SRPX: variants seen among roughly 807,000 people sequenced by gnomAD.
SRPX encodes the protein sushi repeat-containing protein SRPX.
In SRPX, 24 loss-of-function variants were observed where a neutral mutation model predicts 38.1. The ratio of observed to expected loss-of-function variants is 0.63; its 90% CI spans 0.46 to 0.89. The LOEUF (loss-of-function observed/expected upper bound fraction) is 0.89, where lower values mean the gene tolerates loss of function less well. Among genes scored for constraint, SRPX ranks in the 40% least tolerant of loss-of-function variants. The pLI, the probability that SRPX is intolerant of heterozygous loss-of-function variation, is 0.00. For missense variants in SRPX, 416 were observed against 377.8 expected, an observed-to-expected ratio of 1.10 and a Z score of -0.84; for synonymous variants, 184 against 153.8, an observed-to-expected ratio of 1.20 and a Z score of -1.45.
intron 1 of SRPX, among the ~76,000 whole-genome samples, chrX:38,207,147 T>C (rs1349609605): frequency 8.9e-6 from 1 of 112,320 alleles, no homozygotes; most frequent in African/African-American, 3.2e-5. Context: ...ATATCAATTG[T>C]GGTCCTACTT....
At chrX:38,162,245 T>C (rs1209346031) in intron 5 of SRPX, among the ~76,000 whole-genome samples, 1 of 112,193 alleles carries the variant, frequency 8.9e-6, no homozygotes, top group Non-Finnish European at 1.9e-5. Context: ...GTCTCAGAGC[T>C]TGACACTAGA....
intron 9 of SRPX, among the ~76,000 whole-genome samples, chrX:38,153,294 CT>C (rs1341692099): frequency 1.3e-4 from 9 of 66,894 alleles, no homozygotes; most frequent in Non-Finnish European, 2.6e-4. Flanking sequence ...TTCTTTCTTT[CT>C]TTCTTTCTTT....
intron 7 of SRPX, among the ~76,000 whole-genome samples, chrX:38,159,666 C>T (rs1181789517): frequency 8.9e-6 from 1 of 112,854 alleles, no homozygotes; most frequent in African/African-American, 3.2e-5. Flanking sequence ...ATGATATTGT[C>T]TCTACATGGC....
chrX:38,180,871 C>A (rs988557860), intron 1 of SRPX, among the ~76,000 whole-genome samples: 1 of 111,513 alleles, frequency 9.0e-6, no homozygotes, highest in Non-Finnish European at 1.9e-5. Flanking sequence ...GAAGCATAAC[C>A]CCCAAAATGC....
chrX:38,159,919 A>C, intron 7 of SRPX, 98 bp downstream of exon 7: 1 of 976,444 alleles, frequency 1.0e-6, no homozygotes, highest in Non-Finnish European at 1.4e-6. Flanking sequence ...ATGGCCATGA[A>C]CTTCTCAAAG....
At position 38,196,880 on chromosome X, in the gene SRPX, G is replaced by A. The variant is rs113938615; in HGVS notation, c.98-18536C>T. Among the ~76,000 whole-genome samples the A allele has an allele frequency of 7.5e-3, 833 of 111,747 alleles. 10 individuals carry two copies. Among genetic ancestry groups the A allele is most frequent in the African/African-American group, 0.026 (799 of 30,769 alleles). On this transcript the variant is annotated intron_variant, in intron 1 of 9. Transcript: ENST00000378533. ...CCCACAGACTCCTGCCTTTTTTTTG[G>A]CTAAGAGCTGGCGGGGTGTTACATC...
chrX:38,183,813 C>T (rs1938716227), intron 1 of SRPX, among the ~76,000 whole-genome samples: 1 of 112,026 alleles, frequency 8.9e-6, no homozygotes, highest in African/African-American at 3.2e-5. Flanking sequence ...CACACAAATA[C>T]AAATTGTACG....
intron 1 of SRPX, among the ~76,000 whole-genome samples, chrX:38,179,032 C>T (rs958316026): frequency 1.9e-5 from 2 of 107,651 alleles, no homozygotes; most frequent in South Asian, 4.3e-4. Context: ...CCGCAACCTC[C>T]GCCTCTTGGG....
At chrX:38,157,759 A>AT (rs1938160107) in intron 7 of SRPX, among the ~76,000 whole-genome samples, 1 of 112,051 alleles carries the variant, frequency 8.9e-6, no homozygotes, top group Non-Finnish European at 1.9e-5. Flanking sequence ...AACAATACCA[A>AT]TTGGTTATCA....
In SRPX at chrX:38,172,869, G is replaced by A. The variant is rs776063964; in HGVS notation, c.350-812C>T. ...GCTCACAGGAGATGCTTTCTCTTGTGAAAAGAGAACGAGAGTGAGAGAGTG... is the reference window on the plus strand; with the variant it reads ...GCTCACAGGAGATGCTTTCTCTTGTAAAAAGAGAACGAGAGTGAGAGAGTG... On this transcript the variant is annotated intron_variant, in intron 3 of 9. Transcript: ENST00000378533. Among the ~76,000 whole-genome samples, 3 of 112,914 alleles carry A rather than the reference G, an allele frequency of 2.7e-5. No individual in the cohort carries two copies. The South Asian group carries it at 1.1e-3, about 41-fold the overall frequency.
chrX:38,169,146 T>C (rs1225593451), intron 4 of SRPX, among the ~76,000 whole-genome samples: 2 of 112,810 alleles, frequency 1.8e-5, no homozygotes, highest in African/African-American at 6.4e-5. Flanking sequence ...AGTGAATCAG[T>C]ATCTCAGTCA....
chrX:38,204,924 T>A (rs764472085), intron 1 of SRPX, among the ~76,000 whole-genome samples: 1 of 112,043 alleles, frequency 8.9e-6, no homozygotes, highest in South Asian at 3.7e-4. Flanking sequence ...TGAAAGGACA[T>A]CAGGACACTT....
intron 1 of SRPX, among the ~76,000 whole-genome samples, chrX:38,192,087 C>T (rs891438327): frequency 1.8e-5 from 2 of 111,598 alleles, no homozygotes; most frequent in Non-Finnish European, 3.8e-5. Context: ...ACGAATACCA[C>T]ATTTAGCCCA....
chrX:38,155,401 A>G (rs1254033790), intron 8 of SRPX, among the ~76,000 whole-genome samples: 3 of 112,268 alleles, frequency 2.7e-5, no homozygotes, highest in Non-Finnish European at 5.6e-5. Flanking sequence ...GGCACACCAA[A>G]ACATCTTGAT....
intron 1 of SRPX, among the ~76,000 whole-genome samples, chrX:38,186,388 C>A (rs1175345616): frequency 1.8e-5 from 2 of 111,941 alleles, no homozygotes; most frequent in Non-Finnish European, 3.8e-5. Context: ...TCATGAGAGA[C>A]CTTGAGCCAG....
chrX:38,194,267 AC>A (rs1335553990), intron 1 of SRPX, among the ~76,000 whole-genome samples: 1 of 111,485 alleles, frequency 9.0e-6, no homozygotes, highest in African/African-American at 3.3e-5. Flanking sequence ...AGAATTAATA[AC>A]CATATTATTA....
chrX:38,202,509 A>T (rs375419200), intron 1 of SRPX, among the ~76,000 whole-genome samples: 1 of 111,937 alleles, frequency 8.9e-6, no homozygotes, highest in East Asian at 2.8e-4. Flanking sequence ...ATGCAGCAGG[A>T]CATAATAAAA....
chrX:38,172,958 T>C (rs895833219), intron 3 of SRPX, among the ~76,000 whole-genome samples: 1 of 112,040 alleles, frequency 8.9e-6, no homozygotes, highest in South Asian at 3.8e-4. Flanking sequence ...AAGGTTGAAG[T>C]TCCAAGTCTT....
At chrX:38,166,978 A>G (rs1334408811) in intron 4 of SRPX, among the ~76,000 whole-genome samples, 1 of 112,027 alleles carries the variant, frequency 8.9e-6, no homozygotes. Flanking sequence ...GAACTGGCCT[A>G]GCTTTTCAGA....
Sources: allele counts gnomAD v4.1 joint callset (sites outside exome capture counted in the v4.1 genomes callset), GRCh38; gene constraint gnomAD v4.1.1; transcripts MANE v1.5; gene names NCBI Gene and HGNC (gene_info 2026-07-23, HGNC 2026-07-21).